SYT17: variants seen among roughly 807,000 people sequenced by gnomAD.
The protein encoded by SYT17 is synaptotagmin 17, also known as synaptotagmin-17.
A neutral mutation model predicts 46.7 loss-of-function variants in SYT17; 22 were observed. The ratio of observed to expected loss-of-function variants is 0.47; its 90% CI spans 0.34 to 0.67. SYT17 has a LOEUF of 0.67. Ranked by LOEUF, SYT17 falls within the 30% of genes least tolerant of loss-of-function variation. The pLI, the probability that SYT17 is intolerant of heterozygous loss-of-function variation, is 0.01. For synonymous variants in SYT17, 251 were observed against 248.4 expected (o/e 1.01, Z -0.10); for missense variants, 519 against 612.8 (o/e 0.85, Z 1.62).
chr16:19,175,645 CAAAAAAAAAAA>C (rs34788366), intron 3 of SYT17, among the ~76,000 whole-genome samples: 24 of 67,788 alleles, frequency 3.5e-4, no homozygotes, highest in African/African-American at 1.1e-3. Flanking sequence ...AGCAAGACTT[CAAAAAAAAAAA>C]AAAAAAAAAA....
At chr16:19,192,713 A>G (rs1965074835) in intron 5 of SYT17, among the ~76,000 whole-genome samples, 1 of 152,166 alleles carries the variant, frequency 6.6e-6, no homozygotes, top group Non-Finnish European at 1.5e-5. Context: ...AAAGGATGCA[A>G]TTTGAAAGCA....
intron 1 of SYT17, chr16:19,171,091 G>C (rs1033666643): frequency 1.3e-5 from 2 of 152,330 alleles, no homozygotes; most frequent in South Asian, 4.1e-4. Context: ...TCAGTCGATG[G>C]TGAGACTAGG....
chr16:19,201,409 A>C (rs1015390413), intron 5 of SYT17, among the ~76,000 whole-genome samples: 1 of 152,164 alleles, frequency 6.6e-6, no homozygotes, highest in African/African-American at 2.4e-5. Flanking sequence ...ACTCTTACAC[A>C]GTAGGTTATC....
chr16:19,175,471 C>T (rs147926035), intron 3 of SYT17, among the ~76,000 whole-genome samples: 7 of 151,970 alleles, frequency 4.6e-5, no homozygotes, highest in Non-Finnish European at 4.4e-5. Flanking sequence ...CTGGGCAACA[C>T]GATGAGACCC....
At chr16:19,191,864 A>G (rs1965034309) in intron 5 of SYT17, among the ~76,000 whole-genome samples, 2 of 152,158 alleles carry the variant, frequency 1.3e-5, no homozygotes, top group African/African-American at 4.8e-5. Context: ...GGCTCACTGC[A>G]ACCTCTGCCT....
rs143447502 is a variant in SYT17 at position 19,185,206 on chromosome 16, CCT to C, written c.951+1060_951+1061del. Among the ~76,000 whole-genome samples, 812 of 152,182 alleles carry C rather than the reference CCT, an allele frequency of 5.3e-3. 6 individuals are homozygous for C. The highest frequency in any genetic ancestry group is 0.019 in the African/African-American group (776 of 41,506). Reference sequence around the variant, plus strand: ...CCTCCCCTCTTCCCTTCCTTCTCTCCCTGTCCTGTGGGATGGCTGTTGTAGGA... The same window carrying C: ...CCTCCCCTCTTCCCTTCCTTCTCTCCGTCCTGTGGGATGGCTGTTGTAGGA... On this transcript the variant is annotated intron_variant, in intron 5 of 7. Coordinates refer to ENST00000355377, the MANE Select transcript of SYT17 (RefSeq NM_016524.4).
At chr16:19,221,888 T>C (rs369840340) in intron 5 of SYT17, among the ~76,000 whole-genome samples, 1 of 152,098 alleles carries the variant, frequency 6.6e-6, no homozygotes, top group East Asian at 1.9e-4. Flanking sequence ...TTACAAATAA[T>C]ATAATGACTG....
intron 7 of SYT17, among the ~76,000 whole-genome samples, chr16:19,232,447 G>C (rs1002576238): frequency 2.0e-5 from 3 of 152,184 alleles, no homozygotes; most frequent in Non-Finnish European, 2.9e-5. Flanking sequence ...TGCTGATGCT[G>C]TGGGGCTGCA....
Position 19,195,984 on chromosome 16 carries a change from C to T in SYT17, c.951+11837C>T, listed in dbSNP as rs1195104454. On this transcript the variant is annotated intron_variant, in intron 5 of 7. Transcript: ENST00000355377. ...TGGGTGACAGAGCCGGACCCTGTCT[C>T]AAAAGAAAAAACCCACCAAAACCAA... Among the ~76,000 whole-genome samples, 3 of 151,680 alleles carry T rather than the reference C, an allele frequency of 2.0e-5. No individual in the cohort carries two copies. The South Asian group carries it at 6.3e-4, about 32-fold the overall frequency.
intron 5 of SYT17, among the ~76,000 whole-genome samples, chr16:19,190,956 T>TG (rs1286686479): frequency 2.0e-5 from 3 of 152,094 alleles, no homozygotes; most frequent in Admixed American, 6.5e-5. Context: ...TGTGTGTGTG[T>TG]TTTTTTAAGC....
Position 19,252,000 on chromosome 16 carries a change from A to G in SYT17, c.1229-14880A>G, listed in dbSNP as rs556007727. Among the ~76,000 whole-genome samples, 298 of 152,118 alleles carry G rather than the reference A, an allele frequency of 2.0e-3. 1 individual carries two copies. Among genetic ancestry groups the G allele is most frequent in the Non-Finnish European group, 3.8e-3 (256 of 68,012 alleles). On this transcript the variant is annotated intron_variant, in intron 7 of 7. Coordinates refer to ENST00000355377, the MANE Select transcript of SYT17 (RefSeq NM_016524.4). Reference sequence around the variant, plus strand: ...CGAGGCAGGCAGATCATTTGAGGTCAGGAGTTCGAGAGCAGCCTGCCTAAC... The same window carrying G: ...CGAGGCAGGCAGATCATTTGAGGTCGGGAGTTCGAGAGCAGCCTGCCTAAC...
intron 7 of SYT17, among the ~76,000 whole-genome samples, chr16:19,245,542 T>C (rs1967482712): frequency 1.3e-5 from 2 of 152,184 alleles, no homozygotes. Context: ...GCTTGTTTAC[T>C]CTCCTTATGG....
At chr16:19,220,510 G>A (rs1202466668) in intron 5 of SYT17, among the ~76,000 whole-genome samples, 1 of 151,936 alleles carries the variant, frequency 6.6e-6, no homozygotes, top group Non-Finnish European at 1.5e-5. Context: ...TGTTGGCCAG[G>A]TTGGTCTTGA....
chr16:19,180,443 G>A lies in SYT17; in HGVS notation c.235G>A (p.Glu79Lys), dbSNP rs544554151. The A allele has an allele frequency of 5.0e-6, 8 of 1,614,166 alleles. No homozygotes were observed. The East Asian group carries it at 6.7e-5, about 13-fold the overall frequency. The change falls in exon 4 of 8, where the codon GAA (glutamate) becomes AAA (lysine). Residue 79 changes from glutamate to lysine, a missense_variant. By Grantham distance (56) the Glu-to-Lys change is moderately conservative. Transcript: ENST00000355377. ...KDGDSVHTAS[E>K]VPLTPRTNSP... ...TGGTGACTCTGTCCACACGGCCAGCGAAGTCCCGCTGACCCCACGGACCAA... is the reference window on the plus strand; with the variant it reads ...TGGTGACTCTGTCCACACGGCCAGCAAAGTCCCGCTGACCCCACGGACCAA...
intron 5 of SYT17, among the ~76,000 whole-genome samples, chr16:19,189,630 G>A (rs1330579993): frequency 1.3e-5 from 2 of 152,204 alleles, no homozygotes; most frequent in East Asian, 1.9e-4. Context: ...GATTAAAGAC[G>A]TGAGCCAGAA....
chr16:19,176,202 C>G (rs1171874722), intron 3 of SYT17, among the ~76,000 whole-genome samples: 6 of 152,164 alleles, frequency 3.9e-5, no homozygotes, highest in Admixed American at 6.5e-5. Context: ...CTTGTTTTCT[C>G]CATGTGGCAG....
intron 5 of SYT17, among the ~76,000 whole-genome samples, chr16:19,211,900 A>G (rs1315506074): frequency 6.6e-6 from 1 of 152,172 alleles, no homozygotes; most frequent in African/African-American, 2.4e-5. Flanking sequence ...TGCTGGGATT[A>G]CAGGTGTGAG....
At chr16:19,180,312 G>A (rs984947431) in intron 3 of SYT17, 79 bp from the exon 4 acceptor site, 1 of 1,521,312 alleles carries the variant, frequency 6.6e-7, no homozygotes, top group Admixed American at 1.8e-5. Flanking sequence ...TTTCATCGTG[G>A]GTCTTAACCC....
At chr16:19,226,067 A>G (rs1966486198) in intron 7 of SYT17, among the ~76,000 whole-genome samples, 1 of 152,176 alleles carries the variant, frequency 6.6e-6, no homozygotes, top group African/African-American at 2.4e-5. Flanking sequence ...TTCTAATTAC[A>G]GTATGTACTT....
Sources: allele counts gnomAD v4.1 joint callset (sites outside exome capture counted in the v4.1 genomes callset), GRCh38; gene constraint gnomAD v4.1.1; transcripts MANE v1.5; gene names NCBI Gene and HGNC (gene_info 2026-07-23, HGNC 2026-07-21).